Variants in AGAP1 observed in about 807,000 individuals in gnomAD.
AGAP1 encodes the protein arf-GAP with GTPase, ANK repeat and PH domain-containing protein 1.
In AGAP1, 29 loss-of-function variants were observed where a neutral mutation model predicts 105.3. The observed-to-expected ratio is 0.28, with a 90% CI of 0.21 to 0.38. The LOEUF (loss-of-function observed/expected upper bound fraction) is 0.38, where lower values mean the gene tolerates loss of function less well. Among genes scored for constraint, AGAP1 ranks in the 10% least tolerant of loss-of-function variants. AGAP1 has a pLI of 1.00. For synonymous variants in AGAP1, 509 were observed against 485.9 expected (o/e 1.05, Z -0.63); for missense variants, 998 against 1,165.1 (o/e 0.86, Z 2.09).
chr2:235,647,324 T>C (rs1298585004), intron 1 of AGAP1, among the ~76,000 whole-genome samples: 8 of 152,176 alleles, frequency 5.3e-5, no homozygotes, highest in African/African-American at 1.7e-4. Context: ...GTAGCATGAC[T>C]GTCTCAGATC....
intron 9 of AGAP1, among the ~76,000 whole-genome samples, chr2:235,833,773 T>A (rs1036378047): frequency 6.6e-6 from 1 of 152,022 alleles, no homozygotes; most frequent in Non-Finnish European, 1.5e-5. Flanking sequence ...CATGTGTGCA[T>A]GTTTATGAAT....
At chr2:235,683,685 CTT>C (rs1181254395) in intron 1 of AGAP1, among the ~76,000 whole-genome samples, 1 of 150,626 alleles carries the variant, frequency 6.6e-6, no homozygotes, top group African/African-American at 2.4e-5. Context: ...CTTGTTTTTT[CTT>C]TCTCTCTCTC....
At chr2:235,807,441 G>C (rs1217695940) in intron 9 of AGAP1, 110 bp downstream of exon 9, 8 of 877,400 alleles carry the variant, frequency 9.1e-6, no homozygotes, top group Non-Finnish European at 1.2e-5. Flanking sequence ...CTCTGTTGAT[G>C]AATGTAGAAG....
intron 1 of AGAP1, among the ~76,000 whole-genome samples, chr2:235,542,485 A>T: frequency 6.6e-6 from 1 of 152,204 alleles, no homozygotes; most frequent in African/African-American, 2.4e-5. Flanking sequence ...AGAAAGTCTC[A>T]TCTCTGTCTG....
At position 235,992,418 on chromosome 2, in the gene AGAP1, G is replaced by A. The variant is rs2055608841; in HGVS notation, c.1645+23795G>A. On this transcript the variant is annotated intron_variant, in intron 13 of 17. Coordinates refer to ENST00000304032, the MANE Select transcript of AGAP1 (RefSeq NM_001037131.3). The surrounding 1 kb of genome is among the most constrained non-coding windows in gnomAD (Gnocchi z 4.8). Reference sequence around the variant, plus strand: ...ATGAACTCCTGTGCTTTGAGTGTCTGGCGTTCAGTGGCAGGGGACCCTCCA... The same window carrying A: ...ATGAACTCCTGTGCTTTGAGTGTCTAGCGTTCAGTGGCAGGGGACCCTCCA... 6.6e-6 allele frequency among the ~76,000 whole-genome samples: 1 copy of A among 152,190 alleles called. No homozygotes were observed. Among genetic ancestry groups the A allele is most frequent in the Non-Finnish European group, 1.5e-5 (1 of 68,030 alleles).
chr2:235,938,137 T>G (rs996150108), intron 12 of AGAP1, among the ~76,000 whole-genome samples: 4 of 152,212 alleles, frequency 2.6e-5, no homozygotes, highest in African/African-American at 4.8e-5. Context: ...CCAGCGTAGA[T>G]GTGATGTAAC....
At chr2:236,008,167 G>T (rs1469451808) in intron 13 of AGAP1, among the ~76,000 whole-genome samples, 1 of 152,172 alleles carries the variant, frequency 6.6e-6, no homozygotes, top group East Asian at 1.9e-4. Context: ...ACTGATCACG[G>T]TAAAGTTATT....
intron 6 of AGAP1, among the ~76,000 whole-genome samples, chr2:235,763,113 T>C (rs1376089327): frequency 1.3e-5 from 2 of 151,368 alleles, no homozygotes; most frequent in African/African-American, 4.9e-5. Flanking sequence ...CTGTCATGCA[T>C]TGTGAGACTT....
chr2:235,657,125 T>G (rs909671729), intron 1 of AGAP1, among the ~76,000 whole-genome samples: 1 of 152,216 alleles, frequency 6.6e-6, no homozygotes, highest in African/African-American at 2.4e-5. Flanking sequence ...TCTCTGCTTC[T>G]TACAGTTGGA....
At chr2:235,498,770 G>T (rs1173524206) in intron 1 of AGAP1, among the ~76,000 whole-genome samples, 1 of 152,190 alleles carries the variant, frequency 6.6e-6, no homozygotes, top group African/African-American at 2.4e-5. Flanking sequence ...CTTCCTCTGA[G>T]GTTGAGCCCT....
chr2:235,868,591 T>C (rs988944628), intron 9 of AGAP1, among the ~76,000 whole-genome samples: 1 of 152,196 alleles, frequency 6.6e-6, no homozygotes, highest in African/African-American at 2.4e-5. Context: ...ATTTGGTCCC[T>C]GAGACTCAAA....
intron 1 of AGAP1, among the ~76,000 whole-genome samples, chr2:235,706,449 T>G (rs191174565): frequency 6.6e-6 from 1 of 151,982 alleles, no homozygotes; most frequent in South Asian, 2.1e-4. Flanking sequence ...AGGATGATCT[T>G]GATCTCCTGA....
chr2:235,945,123 C>T (rs912534174), intron 12 of AGAP1, among the ~76,000 whole-genome samples: 5 of 152,066 alleles, frequency 3.3e-5, no homozygotes, highest in Non-Finnish European at 4.4e-5. Context: ...TTTTTTGAGA[C>T]GGAGTCTCGC....
At chr2:235,516,927 G>A (rs545363493) in intron 1 of AGAP1, among the ~76,000 whole-genome samples, 7 of 152,346 alleles carry the variant, frequency 4.6e-5, no homozygotes, top group Admixed American at 1.3e-4. Flanking sequence ...GTTGCAGGTA[G>A]AAGCATTTTT....
rs1360534875 is a variant in AGAP1, at chr2:235,621,844, T to C, written c.164-87335T>C. 6.6e-6 allele frequency among the ~76,000 whole-genome samples: 1 copy of C among 152,128 alleles called. No homozygotes were observed. The highest frequency in any genetic ancestry group is 2.4e-5 in the African/African-American group (1 of 41,416). Reference sequence around the variant, plus strand: ...TGGGAGCGGCTGCTGATGTTCTGGCTCTCTGCAGTTGGGTAGGAGTGGAGG... The same window carrying C: ...TGGGAGCGGCTGCTGATGTTCTGGCCCTCTGCAGTTGGGTAGGAGTGGAGG... On this transcript the variant is annotated intron_variant, in intron 1 of 17. Coordinates refer to ENST00000304032, the MANE Select transcript of AGAP1 (RefSeq NM_001037131.3). The surrounding 1 kb of genome is among the most constrained non-coding windows in gnomAD (Gnocchi z 4.1).
Position 235,989,924 on chromosome 2 carries a change from GT to G in AGAP1, c.1645+21304del, listed in dbSNP as rs2055489353. ...GGCTGGCCAGTCAGCAATCTGGACAGTTTAGATCATTCAAATGCGTAGCCGG... is the reference window on the plus strand; with the variant it reads ...GGCTGGCCAGTCAGCAATCTGGACAGTTAGATCATTCAAATGCGTAGCCGG... On this transcript the variant is annotated intron_variant, in intron 13 of 17. Transcript: ENST00000304032. This position sits in a 1 kb window ranked among gnomAD's most constrained non-coding sequence, Gnocchi z 4.4. 1.3e-5 allele frequency among the ~76,000 whole-genome samples: 2 copies of G among 152,284 alleles called. No homozygotes were observed. The highest frequency in any genetic ancestry group is 1.5e-5 in the Non-Finnish European group (1 of 68,024).
rs983136690 is a variant in AGAP1, at chr2:235,989,222, G to T, written c.1645+20599G>T. ...TCTTCCCTGGAATTAGATATTTTTCGTTCAAGCTGCTGACAGGTATTTATT... is the reference window on the plus strand; with the variant it reads ...TCTTCCCTGGAATTAGATATTTTTCTTTCAAGCTGCTGACAGGTATTTATT... On this transcript the variant is annotated intron_variant, in intron 13 of 17. Transcript: ENST00000304032. This position sits in a 1 kb window ranked among gnomAD's most constrained non-coding sequence, Gnocchi z 4.4. Among the ~76,000 whole-genome samples, 2 of 152,150 alleles carry T rather than the reference G, an allele frequency of 1.3e-5. No homozygotes were observed. Among genetic ancestry groups the T allele is most frequent in the Non-Finnish European group, 2.9e-5 (2 of 68,044 alleles).
rs759062160 is a variant in AGAP1 at position 236,009,067 on chromosome 2, CCTT to C, written c.1646-27491_1646-27489del. 2.6e-5 allele frequency among the ~76,000 whole-genome samples: 4 copies of C among 152,180 alleles called. No homozygotes were observed. Among genetic ancestry groups the C allele is most frequent in the African/African-American group, 4.8e-5 (2 of 41,438 alleles). ...TTTGAACTGATGTTTCAACATGACT[CCTT>C]CTCTGTGAGCTCTCCGCTAGGAAGC... On this transcript the variant is annotated intron_variant, in intron 13 of 17. Transcript: ENST00000304032. This position sits in a 1 kb window ranked among gnomAD's most constrained non-coding sequence, Gnocchi z 4.2.
At chr2:235,917,472 C>G (rs2051948444) in intron 11 of AGAP1, among the ~76,000 whole-genome samples, 1 of 152,116 alleles carries the variant, frequency 6.6e-6, no homozygotes, top group African/African-American at 2.4e-5. Context: ...CTCTCTCGTC[C>G]TCTTTCTCCC....
Sources: allele counts gnomAD v4.1 joint callset (sites outside exome capture counted in the v4.1 genomes callset), GRCh38; gene constraint gnomAD v4.1.1; non-coding constraint Gnocchi (gnomAD v3.1); transcripts MANE v1.5; gene names NCBI Gene and HGNC (gene_info 2026-07-23, HGNC 2026-07-21).